The following CADPS2 variants were observed in gnomAD, a reference collection of about 807,000 sequenced individuals.
CADPS2 encodes the protein calcium dependent secretion activator 2, also known as calcium-dependent secretion activator 2.
Under a neutral mutation model 172.5 loss-of-function variants are expected in CADPS2, and 93 were observed. The observed-to-expected ratio is 0.54, with a 90% CI of 0.46 to 0.64. CADPS2 has a LOEUF of 0.64. Among genes scored for constraint, CADPS2 ranks in the 30% least tolerant of loss-of-function variants. CADPS2 has a pLI of 0.00. For missense variants in CADPS2, 1,420 were observed against 1,565.9 expected (o/e 0.91, Z 1.57); for synonymous variants, 546 against 555.2 (o/e 0.98, Z 0.23).
At chr7:122,653,203 T>C (rs766650234) in intron 3 of CADPS2, among the ~76,000 whole-genome samples, 1 of 152,204 alleles carries the variant, frequency 6.6e-6, no homozygotes, top group Non-Finnish European at 1.5e-5. Context: ...CTTCTGACTC[T>C]TAAGCAAGCA....
intron 15 of CADPS2, among the ~76,000 whole-genome samples, chr7:122,450,997 C>A (rs868289899): frequency 3.1e-4 from 47 of 152,166 alleles, no homozygotes; most frequent in African/African-American, 1.1e-3. Context: ...ATACTCTCTG[C>A]TGGAATAACT....
rs151307381 is a variant in CADPS2, at chr7:122,758,830, C to T, written c.340-21762G>A. ...CAAAGTGATAGCTGCAAACCATTAA[C>T]GTTTTTAAACTAATCTTCATCACCA... On this transcript the variant is annotated intron_variant, in intron 1 of 29. Transcript: ENST00000449022. 3.1e-3 allele frequency among the ~76,000 whole-genome samples: 478 copies of T among 152,050 alleles called. 2 individuals carry two copies. Among genetic ancestry groups the T allele is most frequent in the African/African-American group, 0.011 (440 of 41,488 alleles).
At chr7:122,353,033 C>T (rs369140530) in intron 27 of CADPS2, among the ~76,000 whole-genome samples, 16 of 152,200 alleles carry the variant, frequency 1.1e-4, no homozygotes, top group African/African-American at 3.4e-4. Context: ...AGCACATTCA[C>T]GTTAATGTGC....
chr7:122,743,938 C>T (rs1305661785), intron 1 of CADPS2, among the ~76,000 whole-genome samples: 2 of 152,138 alleles, frequency 1.3e-5, no homozygotes, highest in African/African-American at 4.8e-5. Flanking sequence ...GTGGGATGTG[C>T]TGATATTATC....
intron 7 of CADPS2, among the ~76,000 whole-genome samples, chr7:122,561,914 T>C (rs73433764): frequency 0.028 from 4,233 of 152,218 alleles, 71 homozygotes; most frequent in South Asian, 0.055. Flanking sequence ...GAAAGATGGA[T>C]GGATGAATGA....
chr7:122,327,761 A>G (rs924623119), intron 28 of CADPS2, among the ~76,000 whole-genome samples: 9 of 152,026 alleles, frequency 5.9e-5, no homozygotes, highest in African/African-American at 2.2e-4. Flanking sequence ...TTTTAGAGAA[A>G]AATAATCTTA....
At chr7:122,799,042 T>G (rs1286384021) in intron 1 of CADPS2, among the ~76,000 whole-genome samples, 1 of 152,090 alleles carries the variant, frequency 6.6e-6, no homozygotes, top group Non-Finnish European at 1.5e-5. Flanking sequence ...GTAAAAATGC[T>G]GTCACATTTT....
chr7:122,732,790 A>G (rs1296463255), intron 2 of CADPS2, among the ~76,000 whole-genome samples: 1 of 142,704 alleles, frequency 7.0e-6, no homozygotes, highest in African/African-American at 2.6e-5. Context: ...TATATAATAT[A>G]TATACATTAT....
At chr7:122,464,501 A>G (rs775027474) in intron 14 of CADPS2, among the ~76,000 whole-genome samples, 70 of 152,316 alleles carry the variant, frequency 4.6e-4, no homozygotes, top group Non-Finnish European at 8.7e-4. Flanking sequence ...TATTGGACTT[A>G]GCTATTTTCT....
At chr7:122,848,757 C>G (rs1313521327) in intron 1 of CADPS2, among the ~76,000 whole-genome samples, 2 of 152,160 alleles carry the variant, frequency 1.3e-5, no homozygotes, top group East Asian at 3.9e-4. Flanking sequence ...GCCATGACGT[C>G]TCTGACTTTT....
At chr7:122,703,286 C>G (rs1022401486) in intron 2 of CADPS2, among the ~76,000 whole-genome samples, 3 of 152,088 alleles carry the variant, frequency 2.0e-5, no homozygotes, top group Admixed American at 2.0e-4. Flanking sequence ...GTACCTGGGC[C>G]AGTTGCCAGT....
intron 1 of CADPS2, among the ~76,000 whole-genome samples, chr7:122,859,064 C>G (rs966379627): frequency 6.6e-6 from 1 of 152,184 alleles, no homozygotes; most frequent in Non-Finnish European, 1.5e-5. Flanking sequence ...TCTCTTTCAA[C>G]CTCAACACAT....
At chr7:122,716,977 ACT>A (rs2089699821) in intron 2 of CADPS2, among the ~76,000 whole-genome samples, 2 of 152,124 alleles carry the variant, frequency 1.3e-5, no homozygotes, top group South Asian at 4.1e-4. Flanking sequence ...ATGTTGACAA[ACT>A]CTGTAACGTG....
At chr7:122,742,223 T>A (rs1016717716) in intron 1 of CADPS2, among the ~76,000 whole-genome samples, 15 of 151,478 alleles carry the variant, frequency 9.9e-5, no homozygotes, top group African/African-American at 3.6e-4. Context: ...AAACCCCGTC[T>A]CTACTAAAAA....
At chr7:122,667,690 C>T (rs1251761782) in intron 2 of CADPS2, among the ~76,000 whole-genome samples, 2 of 152,090 alleles carry the variant, frequency 1.3e-5, no homozygotes, top group African/African-American at 4.8e-5. Context: ...AAGTTATTAA[C>T]TCTGCTGGGG....
At chr7:122,324,152 T>C (rs1431108494) in intron 29 of CADPS2, among the ~76,000 whole-genome samples, 1 of 151,952 alleles carries the variant, frequency 6.6e-6, no homozygotes, top group Non-Finnish European at 1.5e-5. Context: ...TAAAATTTTG[T>C]GAGTGGCTAT....
intron 1 of CADPS2, among the ~76,000 whole-genome samples, chr7:122,818,885 C>G (rs1410462114): frequency 6.6e-6 from 1 of 151,178 alleles, no homozygotes; most frequent in Non-Finnish European, 1.5e-5. Flanking sequence ...GGCAGCAACC[C>G]TGAGACGCTT....
At position 122,812,023 on chromosome 7, in the gene CADPS2, A is replaced by AT. The variant is rs550809014; in HGVS notation, c.339+73975dup. 3.8e-3 allele frequency among the ~76,000 whole-genome samples: 557 copies of AT among 145,780 alleles called. 2 individuals carry two copies. Among genetic ancestry groups the AT allele is most frequent in the African/African-American group, 0.012 (465 of 40,086 alleles). On this transcript the variant is annotated intron_variant, in intron 1 of 29. Coordinates refer to ENST00000449022, the MANE Select transcript of CADPS2 (RefSeq NM_017954.11). ...CCTCAGTTAATCTGGGAATTCACCT[A>AT]TTTTTTTTTTTCACTCCTCTATATT...
At chr7:122,747,772 A>C (rs371673169) in intron 1 of CADPS2, among the ~76,000 whole-genome samples, 118 of 152,194 alleles carry the variant, frequency 7.8e-4, no homozygotes, top group African/African-American at 2.7e-3. Context: ...AAGAGGTAAA[A>C]GCTCCTCTCC....
Sources: allele counts gnomAD v4.1 joint callset (sites outside exome capture counted in the v4.1 genomes callset), GRCh38; gene constraint gnomAD v4.1.1; transcripts MANE v1.5; gene names NCBI Gene and HGNC (gene_info 2026-07-23, HGNC 2026-07-21).